Variants in NCALD observed in about 807,000 individuals in gnomAD.
NCALD encodes neurocalcin delta.
NCALD carries 10 observed loss-of-function variants against 18.6 expected under a neutral mutation model. The observed-to-expected ratio is 0.54, with a 90% CI of 0.33 to 0.91. The LOEUF is 0.91. Among genes scored for constraint, NCALD ranks in the 40% least tolerant of loss-of-function variants. NCALD has a pLI of 0.03. For missense variants in NCALD, 184 were observed against 247.6 expected (o/e 0.74, Z 1.72); for synonymous variants, 88 against 87.4 (o/e 1.01, Z -0.04).
At chr8:102,032,671 C>T (rs1822720723) in intron 1 of NCALD, among the ~76,000 whole-genome samples, 1 of 147,680 alleles carries the variant, frequency 6.8e-6, no homozygotes, top group African/African-American at 2.5e-5. Flanking sequence ...AGATGGATGA[C>T]CTCTTAGAAG....
chr8:101,948,570 T>C (rs551107048), intron 2 of NCALD, among the ~76,000 whole-genome samples: 5 of 152,196 alleles, frequency 3.3e-5, no homozygotes, highest in Non-Finnish European at 7.4e-5. Context: ...TAGATGGTGA[T>C]TAAAACCATG....
At chr8:101,960,999 T>C (rs1819813501) in intron 2 of NCALD, among the ~76,000 whole-genome samples, 1 of 152,146 alleles carries the variant, frequency 6.6e-6, no homozygotes, top group Admixed American at 6.5e-5. Context: ...ATTTTCACCA[T>C]AGCACTCATC....
chr8:101,871,956 C>T, intron 4 of NCALD: 3 of 750,484 alleles, frequency 4.0e-6, no homozygotes, highest in Admixed American at 3.6e-5. Flanking sequence ...TAGATTCAGA[C>T]AGTTTCCACC....
intron 4 of NCALD, among the ~76,000 whole-genome samples, chr8:101,812,522 C>T (rs561287269): frequency 1.3e-5 from 2 of 152,056 alleles, no homozygotes; most frequent in East Asian, 1.9e-4. Context: ...TTTCTCCAAG[C>T]AATTTTTCAT....
intron 4 of NCALD, among the ~76,000 whole-genome samples, chr8:101,831,608 T>C (rs984067166): frequency 6.6e-6 from 1 of 152,138 alleles, no homozygotes; most frequent in African/African-American, 2.4e-5. Flanking sequence ...AAAAGGCTGT[T>C]TACTTTGTGA....
intron 2 of NCALD, among the ~76,000 whole-genome samples, chr8:101,936,362 A>G (rs1275821515): frequency 6.6e-6 from 1 of 152,188 alleles, no homozygotes; most frequent in Non-Finnish European, 1.5e-5. Context: ...TACTGAAGGC[A>G]TATGCAAAGC....
At chr8:101,991,168 A>G (rs1563516815) in intron 2 of NCALD, among the ~76,000 whole-genome samples, 1 of 152,138 alleles carries the variant, frequency 6.6e-6, no homozygotes, top group Admixed American at 6.5e-5. Flanking sequence ...ACAACATCCT[A>G]TTTTTATATA....
intron 1 of NCALD, among the ~76,000 whole-genome samples, chr8:101,773,096 G>A (rs973104117): frequency 6.6e-6 from 1 of 152,094 alleles, no homozygotes; most frequent in South Asian, 2.1e-4. Context: ...TTTAGTGATT[G>A]AGCCAGGATT....
chr8:101,880,500 G>GGAGGCC (rs1563853130), intron 4 of NCALD, among the ~76,000 whole-genome samples: 2 of 152,238 alleles, frequency 1.3e-5, no homozygotes, highest in East Asian at 1.9e-4. Flanking sequence ...TGGCCAGAGC[G>GGAGGCC]GAGGCCGAGG....
At chr8:101,965,210 T>C (rs1311109655) in intron 2 of NCALD, among the ~76,000 whole-genome samples, 1 of 152,204 alleles carries the variant, frequency 6.6e-6, no homozygotes, top group Non-Finnish European at 1.5e-5. Flanking sequence ...GTGTGGCGAT[T>C]CCTCAAGGAT....
chr8:101,788,028 CTG>C (rs778206955), intron 1 of NCALD, among the ~76,000 whole-genome samples: 1 of 152,192 alleles, frequency 6.6e-6, no homozygotes, highest in Non-Finnish European at 1.5e-5. Context: ...GGACATAAGA[CTG>C]TTGTTAATGG....
At chr8:101,794,445 A>C (rs976552104), upstream of NCALD, among the ~76,000 whole-genome samples, 3 of 150,394 alleles carry the variant, frequency 2.0e-5, no homozygotes, top group Admixed American at 6.6e-5. Flanking sequence ...AAAAGAAAGA[A>C]CAAAAATGTT....
chr8:102,104,455 A>G (rs948480330), intron 1 of NCALD, among the ~76,000 whole-genome samples: 2 of 152,114 alleles, frequency 1.3e-5, no homozygotes, highest in African/African-American at 4.8e-5. Flanking sequence ...TGCAAATCCA[A>G]TAACCATTTT....
chr8:101,969,717 A>C (rs1820166017), intron 2 of NCALD, among the ~76,000 whole-genome samples: 1 of 152,216 alleles, frequency 6.6e-6, no homozygotes, highest in Non-Finnish European at 1.5e-5. Flanking sequence ...AATGGATGAC[A>C]TTTCATTACA....
chr8:102,054,868 G>A (rs755060817), intron 1 of NCALD, among the ~76,000 whole-genome samples: 7 of 151,974 alleles, frequency 4.6e-5, no homozygotes, highest in African/African-American at 7.2e-5. Context: ...CCACACACAC[G>A]TCTTATTGAT....
intron 1 of NCALD, among the ~76,000 whole-genome samples, chr8:102,076,595 G>A (rs909973795): frequency 1.3e-5 from 2 of 152,174 alleles, no homozygotes; most frequent in African/African-American, 4.8e-5. Context: ...TCTCCAGAGA[G>A]AATGCATCCT....
chr8:101,864,505 A>G (rs1029019154), intron 4 of NCALD, among the ~76,000 whole-genome samples: 1 of 152,182 alleles, frequency 6.6e-6, no homozygotes, highest in Non-Finnish European at 1.5e-5. Flanking sequence ...GGTAACAACA[A>G]AACAACAAAC....
At chr8:102,025,093 C>T (rs1822407948) in intron 1 of NCALD, among the ~76,000 whole-genome samples, 1 of 152,318 alleles carries the variant, frequency 6.6e-6, no homozygotes, top group African/African-American at 2.4e-5. Flanking sequence ...CCTGACACTA[C>T]CCTCCTCCTA....
intron 1 of NCALD, among the ~76,000 whole-genome samples, chr8:101,744,714 C>A (rs567409985): frequency 6.6e-6 from 1 of 152,228 alleles, no homozygotes; most frequent in East Asian, 1.9e-4. Context: ...CTATTACAAT[C>A]GGCAGGCTGT....
Sources: gnomAD v4.1 joint callset for allele counts (sites outside exome capture counted in the v4.1 genomes callset) on GRCh38, gnomAD v4.1.1 for gene constraint, MANE v1.5 for transcripts, NCBI Gene and HGNC (gene_info 2026-07-23, HGNC 2026-07-21) for gene names.